PPARGC1A: variants seen among roughly 807,000 people sequenced by gnomAD.
PPARGC1A encodes the protein PPARG coactivator 1 alpha, also known as peroxisome proliferator-activated receptor gamma coactivator 1-alpha.
Under a neutral mutation model 88.7 loss-of-function variants are expected in PPARGC1A, and 25 were observed. The ratio of observed to expected loss-of-function variants is 0.28; its 90% CI spans 0.21 to 0.39. PPARGC1A has a LOEUF of 0.39. Ranked by LOEUF, PPARGC1A falls within the 10% of genes least tolerant of loss-of-function variation. The probability of loss-of-function intolerance (pLI) is 1.00; values close to 1 mark genes in which losing one functional copy is unlikely to be tolerated. For missense variants in PPARGC1A, 880 were observed against 968.7 expected, an observed-to-expected ratio of 0.91 and a Z score of 1.22; for synonymous variants, 363 against 355.6, an observed-to-expected ratio of 1.02 and a Z score of -0.24.
At chr4:23,820,573 G>A (rs1259513372) in intron 7 of PPARGC1A, 1 of 415,532 alleles carries the variant, frequency 2.4e-6, no homozygotes, top group Non-Finnish European at 4.9e-6. Flanking sequence ...TCTGCCAAAA[G>A]AGCATTCTCT....
At chr4:24,350,632 A>G in the PPARGC1A span, among the ~76,000 whole-genome samples, 1 of 152,152 alleles carries the variant, frequency 6.6e-6, no homozygotes, top group Non-Finnish European at 1.5e-5. Flanking sequence ...CAAAAGATGA[A>G]AACAAAACAA....
the PPARGC1A span, among the ~76,000 whole-genome samples, chr4:24,401,612 A>C: frequency 3.9e-5 from 6 of 152,288 alleles, no homozygotes; most frequent in Non-Finnish European, 2.9e-5. Context: ...ATCTCATCCA[A>C]TCCTCACAAA....
the PPARGC1A span, among the ~76,000 whole-genome samples, chr4:24,430,262 T>C: frequency 1.4e-4 from 20 of 146,466 alleles, no homozygotes; most frequent in African/African-American, 4.5e-4. Context: ...TTTCTTTTTT[T>C]TTTTTTTTTT....
intron 1 of PPARGC1A, among the ~76,000 whole-genome samples, chr4:23,895,532 T>C (rs919473658): frequency 6.6e-6 from 1 of 152,006 alleles, no homozygotes; most frequent in African/African-American, 2.4e-5. Flanking sequence ...AGCTTTGAGG[T>C]CTAAGCTCAG....
chr4:24,150,859 C>T, the PPARGC1A span, among the ~76,000 whole-genome samples: 3 of 152,100 alleles, frequency 2.0e-5, no homozygotes. Context: ...GAGTACTGCC[C>T]CCAAGGACCT....
chr4:24,061,359 G>T, the PPARGC1A span, among the ~76,000 whole-genome samples: 1 of 152,202 alleles, frequency 6.6e-6, no homozygotes, highest in East Asian at 1.9e-4. Flanking sequence ...TGTGCACCCT[G>T]AATGAGGCAA....
At chr4:24,166,523 T>G in the PPARGC1A span, among the ~76,000 whole-genome samples, 46 of 152,308 alleles carry the variant, frequency 3.0e-4, no homozygotes, top group African/African-American at 9.6e-4. Context: ...AAGAACAGCC[T>G]GATTCTCTCG....
the PPARGC1A span, among the ~76,000 whole-genome samples, chr4:24,422,371 T>C: frequency 1.2e-4 from 19 of 152,238 alleles, no homozygotes; most frequent in Non-Finnish European, 2.2e-4. Context: ...ATGGAGATAT[T>C]TTTGGACAGA....
the PPARGC1A span, among the ~76,000 whole-genome samples, chr4:23,961,446 G>GAGACT: frequency 5.7e-3 from 875 of 152,246 alleles, 39 homozygotes; most frequent in East Asian, 0.093. Flanking sequence ...ACCTATTGGG[G>GAGACT]AGACTAGACA....
At chr4:24,344,941 G>C in the PPARGC1A span, among the ~76,000 whole-genome samples, 1 of 152,106 alleles carries the variant, frequency 6.6e-6, no homozygotes, top group African/African-American at 2.4e-5. Context: ...TAAAATGAGA[G>C]GTAAGGATCC....
At chr4:23,902,680 T>G (rs375548521), upstream of PPARGC1A, among the ~76,000 whole-genome samples, 3 of 152,082 alleles carry the variant, frequency 2.0e-5, no homozygotes, top group East Asian at 3.8e-4. Flanking sequence ...TATACAAGGA[T>G]GCAGTGTTCT....
the PPARGC1A span, among the ~76,000 whole-genome samples, chr4:24,438,538 T>C: frequency 1.4e-4 from 22 of 152,340 alleles, no homozygotes; most frequent in East Asian, 9.6e-4. Context: ...TGTTTTAGAA[T>C]TACCATAGCA....
At chr4:23,847,384 T>C (rs1263834265) in intron 2 of PPARGC1A, among the ~76,000 whole-genome samples, 5 of 152,168 alleles carry the variant, frequency 3.3e-5, no homozygotes, top group African/African-American at 1.2e-4. Context: ...TGAGTCACAG[T>C]TCTCTCCTCC....
the PPARGC1A span, among the ~76,000 whole-genome samples, chr4:23,926,422 C>T: frequency 6.6e-6 from 1 of 152,300 alleles, no homozygotes; most frequent in South Asian, 2.1e-4. Context: ...CCTTCCTTTC[C>T]ATTCCATGAT....
chr4:24,292,608 C>T, the PPARGC1A span, among the ~76,000 whole-genome samples: 1 of 100,978 alleles, frequency 9.9e-6, no homozygotes, highest in Admixed American at 9.8e-5. Flanking sequence ...ACCCCCTCAC[C>T]CTCACCCCTG....
chr4:24,049,308 G>GTGTATGTATATATA, the PPARGC1A span, among the ~76,000 whole-genome samples: 2 of 139,550 alleles, frequency 1.4e-5, no homozygotes, highest in Non-Finnish European at 3.0e-5. Context: ...ATATATGTGT[G>GTGTATGTATATATA]TATATATATA....
At chr4:24,106,073 A>G in the PPARGC1A span, among the ~76,000 whole-genome samples, 2 of 152,176 alleles carry the variant, frequency 1.3e-5, no homozygotes, top group Non-Finnish European at 2.9e-5. Context: ...GCCTTCCAAT[A>G]TCCCAGATCA....
At chr4:23,894,422 C>G (rs1718275372), upstream of PPARGC1A, among the ~76,000 whole-genome samples, 1 of 151,888 alleles carries the variant, frequency 6.6e-6, no homozygotes, top group African/African-American at 2.4e-5. Context: ...ACAAAGACTT[C>G]TATTCTATAA....
At chr4:23,950,348 C>G in the PPARGC1A span, among the ~76,000 whole-genome samples, 1 of 152,168 alleles carries the variant, frequency 6.6e-6, no homozygotes, top group Middle Eastern at 3.4e-3. Context: ...CAAACCAACT[C>G]CTGGTAAATT....
Sources: gnomAD v4.1 joint callset for allele counts (sites outside exome capture counted in the v4.1 genomes callset) on GRCh38, gnomAD v4.1.1 for gene constraint, MANE v1.5 for transcripts, NCBI Gene and HGNC (gene_info 2026-07-23, HGNC 2026-07-21) for gene names.